RANBP9: variants seen among roughly 807,000 people sequenced by gnomAD.
RANBP9 encodes the protein RAN binding protein 9.
A neutral mutation model predicts 84.3 loss-of-function variants in RANBP9; 15 were observed. The ratio of observed to expected loss-of-function variants is 0.18; its 90% CI spans 0.12 to 0.27. The LOEUF (loss-of-function observed/expected upper bound fraction) is 0.27, where lower values mean the gene tolerates loss of function less well. RANBP9 is among the 10% of genes least tolerant of loss of function. The pLI, the probability that RANBP9 is intolerant of heterozygous loss-of-function variation, is 1.00. For missense variants in RANBP9, 809 were observed against 912.8 expected (o/e 0.89, Z 1.46); for synonymous variants, 392 against 349.6 (o/e 1.12, Z -1.35).
chr6:13,627,402 G>A (rs1049543972), intron 12 of RANBP9, among the ~76,000 whole-genome samples: 1 of 152,036 alleles, frequency 6.6e-6, no homozygotes, highest in Non-Finnish European at 1.5e-5. Flanking sequence ...AGCAGAGGCA[G>A]GCAGATCATT....
At chr6:13,706,145 C>G (rs558509867) in intron 1 of RANBP9, among the ~76,000 whole-genome samples, 2 of 151,854 alleles carry the variant, frequency 1.3e-5, no homozygotes, top group African/African-American at 4.8e-5. Context: ...AGATAAGAGA[C>G]CACCTTGGCT....
At chr6:13,658,980 T>C (rs959069124) in intron 2 of RANBP9, 148 bp from the exon 3 acceptor site, 16 of 720,858 alleles carry the variant, frequency 2.2e-5, no homozygotes, top group Non-Finnish European at 3.9e-5. Context: ...ATTTATTATG[T>C]AACAACAACG....
intron 2 of RANBP9, among the ~76,000 whole-genome samples, chr6:13,664,320 C>A (rs1334644914): frequency 6.6e-6 from 1 of 152,046 alleles, no homozygotes; most frequent in Non-Finnish European, 1.5e-5. Flanking sequence ...TAAAAATTAC[C>A]AAACATCACT....
chr6:13,651,004 A>G (rs1439921405), intron 5 of RANBP9, among the ~76,000 whole-genome samples: 1 of 152,138 alleles, frequency 6.6e-6, no homozygotes, highest in African/African-American at 2.4e-5. Flanking sequence ...TTAAAAGGTT[A>G]GACTCTGAAC....
At position 13,642,601 on chromosome 6, in the gene RANBP9, A is replaced by G. The variant is rs764798948; in HGVS notation, c.1113-10T>C. 5.2e-6 allele frequency: 8 copies of G among 1,541,418 alleles called. No homozygotes were observed. The highest frequency in any genetic ancestry group is 7.1e-6 in the Non-Finnish European group (8 of 1,120,962). The stretch of plus-strand genomic sequence containing the variant: ...ATAAGATGAAACCATTCTTAAAATA[A>G]AAAGAAGAAACATACATCTTTTAGT... On this transcript the variant is annotated splice_polypyrimidine_tract_variant and intron_variant, in intron 6 of 13. Transcript: ENST00000011619.
intron 2 of RANBP9, among the ~76,000 whole-genome samples, chr6:13,676,703 G>A (rs1204214679): frequency 4.6e-5 from 7 of 151,984 alleles, no homozygotes; most frequent in African/African-American, 1.7e-4. Flanking sequence ...ATGCAAGGCT[G>A]GCTCAACATT....
intron 2 of RANBP9, among the ~76,000 whole-genome samples, chr6:13,667,766 T>C (rs1435217961): frequency 6.6e-6 from 1 of 152,130 alleles, no homozygotes; most frequent in Non-Finnish European, 1.5e-5. Flanking sequence ...TGTGGTATGG[T>C]CTATACCATT....
intron 1 of RANBP9, among the ~76,000 whole-genome samples, chr6:13,699,323 A>C (rs1757912884): frequency 6.6e-6 from 1 of 152,208 alleles, no homozygotes; most frequent in South Asian, 2.1e-4. Flanking sequence ...TAAAACTAAA[A>C]AGATTTGTTT....
At chr6:13,624,264 T>C (rs565048602) in intron 13 of RANBP9, among the ~76,000 whole-genome samples, 44 of 152,360 alleles carry the variant, frequency 2.9e-4, no homozygotes, top group Admixed American at 8.5e-4. Context: ...GTCTTAAATA[T>C]GAATGCTTTT....
chr6:13,627,739 G>T (rs1040785986), intron 12 of RANBP9, among the ~76,000 whole-genome samples: 1 of 150,638 alleles, frequency 6.6e-6, no homozygotes, highest in African/African-American at 2.4e-5. Context: ...CCATAGTACA[G>T]ATAAATTTAA....
At chr6:13,686,108 C>G (rs1015387182) in intron 2 of RANBP9, among the ~76,000 whole-genome samples, 5 of 5,192 alleles carry the variant, frequency 9.6e-4, no homozygotes, top group Non-Finnish European at 1.4e-3. Context: ...CTTCCCCCCC[C>G]CCCCCCCGCC....
intron 2 of RANBP9, among the ~76,000 whole-genome samples, chr6:13,670,244 G>C (rs1466390017): frequency 6.6e-6 from 1 of 152,132 alleles, no homozygotes; most frequent in Non-Finnish European, 1.5e-5. Context: ...AGTGAACTCA[G>C]ATTGTGCCAC....
chr6:13,680,088 C>A (rs1765994743), intron 2 of RANBP9, among the ~76,000 whole-genome samples: 1 of 152,078 alleles, frequency 6.6e-6, no homozygotes, highest in Non-Finnish European at 1.5e-5. Context: ...TCAAGTGTTA[C>A]AGATCCTTTA....
chr6:13,668,268 G>A (rs891694807), intron 2 of RANBP9, among the ~76,000 whole-genome samples: 14 of 151,948 alleles, frequency 9.2e-5, no homozygotes, highest in South Asian at 6.2e-4. Flanking sequence ...AGACAAGCCC[G>A]TGCTCAGATG....
At chr6:13,642,354 A>C (rs1224428093) in intron 7 of RANBP9, 125 bp downstream of exon 7, 1 of 369,020 alleles carries the variant, frequency 2.7e-6, no homozygotes, top group Non-Finnish European at 4.7e-6. Context: ...TAAAATTCAG[A>C]GGCATCCATT....
At chr6:13,659,939 T>C (rs1765503459) in intron 2 of RANBP9, among the ~76,000 whole-genome samples, 1 of 152,198 alleles carries the variant, frequency 6.6e-6, no homozygotes, top group African/African-American at 2.4e-5. Flanking sequence ...TGTTAAAAGA[T>C]ATAAAAGTAC....
chr6:13,691,431 A>C (rs1405489188), intron 2 of RANBP9, among the ~76,000 whole-genome samples: 1 of 152,170 alleles, frequency 6.6e-6, no homozygotes, highest in Non-Finnish European at 1.5e-5. Flanking sequence ...TGACAGTCAT[A>C]TTCCTAATTT....
intron 10 of RANBP9, among the ~76,000 whole-genome samples, chr6:13,637,086 G>GT (rs751688917): frequency 6.6e-6 from 1 of 152,118 alleles, no homozygotes; most frequent in Non-Finnish European, 1.5e-5. Context: ...CTGCACAGTA[G>GT]TATTTAATTC....
chr6:13,640,427 T>G (rs910039852), intron 8 of RANBP9, among the ~76,000 whole-genome samples: 2 of 152,156 alleles, frequency 1.3e-5, no homozygotes, highest in Non-Finnish European at 2.9e-5. Context: ...CAAAAAAATC[T>G]AATGCAGGGA....
Sources: allele counts gnomAD v4.1 joint callset (sites outside exome capture counted in the v4.1 genomes callset), GRCh38; gene constraint gnomAD v4.1.1; transcripts MANE v1.5; gene names NCBI Gene and HGNC (gene_info 2026-07-23, HGNC 2026-07-21).